The following SEMA6D variants were observed in gnomAD, a reference collection of about 807,000 sequenced individuals.
SEMA6D encodes the protein semaphorin-6D.
SEMA6D carries 35 observed loss-of-function variants against 106.6 expected under a neutral mutation model. The ratio of observed to expected loss-of-function variants is 0.33; its 90% CI spans 0.25 to 0.44. The LOEUF (loss-of-function observed/expected upper bound fraction) is 0.44, where lower values mean the gene tolerates loss of function less well. Ranked by LOEUF, SEMA6D falls within the 20% of genes least tolerant of loss-of-function variation. SEMA6D has a pLI of 1.00. For missense variants in SEMA6D, 1,185 were observed against 1,345.9 expected (o/e 0.88, Z 1.87); for synonymous variants, 499 against 487.7 (o/e 1.02, Z -0.31).
At chr15:47,548,499 C>T (rs911751026) in intron 3 of SEMA6D, among the ~76,000 whole-genome samples, 3 of 152,058 alleles carry the variant, frequency 2.0e-5, no homozygotes, top group Admixed American at 1.3e-4. Context: ...TGGAACAAGC[C>T]ATTGCTCTTC....
At chr15:47,483,053 A>G (rs7166640) in intron 3 of SEMA6D, among the ~76,000 whole-genome samples, 14,281 of 152,160 alleles carry the variant, frequency 0.094, 2,154 homozygotes, top group African/African-American at 0.32. Flanking sequence ...CAAATAATCA[A>G]TAGTTTATTA....
chr15:47,377,197 T>A (rs2039479308), intron 1 of SEMA6D, among the ~76,000 whole-genome samples: 1 of 152,210 alleles, frequency 6.6e-6, no homozygotes, highest in African/African-American at 2.4e-5. Context: ...ATAATCTAAT[T>A]TTTCCATTTA....
At chr15:47,246,748 A>G (rs755057302) in intron 1 of SEMA6D, among the ~76,000 whole-genome samples, 16 of 152,136 alleles carry the variant, frequency 1.1e-4, no homozygotes, top group South Asian at 4.1e-4. Context: ...CCCTAACTCA[A>G]TGTCCTTAAC....
intron 2 of SEMA6D, among the ~76,000 whole-genome samples, chr15:47,446,747 T>G (rs1305694405): frequency 6.6e-6 from 1 of 152,164 alleles, no homozygotes; most frequent in Non-Finnish European, 1.5e-5. Context: ...GCTGGTGTGC[T>G]GGAAATTAAA....
At chr15:47,194,960 A>G (rs1266821380) in intron 1 of SEMA6D, among the ~76,000 whole-genome samples, 2 of 152,234 alleles carry the variant, frequency 1.3e-5, no homozygotes, top group African/African-American at 2.4e-5. Flanking sequence ...ATAGGGATCA[A>G]CCGGTGTCAG....
chr15:47,401,291 A>C (rs1380314209), intron 1 of SEMA6D, among the ~76,000 whole-genome samples: 1 of 152,138 alleles, frequency 6.6e-6, no homozygotes, highest in Non-Finnish European at 1.5e-5. Flanking sequence ...AATGGTCCCA[A>C]CTTTTATTTT....
At chr15:47,476,053 A>G (rs1025451671) in intron 3 of SEMA6D, among the ~76,000 whole-genome samples, 1 of 152,202 alleles carries the variant, frequency 6.6e-6, no homozygotes, top group Non-Finnish European at 1.5e-5. Flanking sequence ...GACATTTATC[A>G]TGGATCCTGA....
chr15:47,315,820 T>C (rs2143344708), intron 1 of SEMA6D, among the ~76,000 whole-genome samples: 1 of 152,266 alleles, frequency 6.6e-6, no homozygotes, highest in Admixed American at 6.5e-5. Context: ...GTTAGATTTT[T>C]ACCTAGGTAT....
intron 1 of SEMA6D, among the ~76,000 whole-genome samples, chr15:47,213,285 A>G (rs1273155304): frequency 6.6e-6 from 1 of 152,224 alleles, no homozygotes; most frequent in African/African-American, 2.4e-5. Flanking sequence ...CTCTTAAACA[A>G]TAGGTTACAA....
intron 4 of SEMA6D, among the ~76,000 whole-genome samples, chr15:47,620,761 G>GT (rs201859943): frequency 0.011 from 1,605 of 151,228 alleles, 16 homozygotes; most frequent in South Asian, 0.042. Flanking sequence ...GTGAGTGTGG[G>GT]TTTTTTTTAA....
At chr15:47,244,333 A>G (rs2033087743) in intron 1 of SEMA6D, among the ~76,000 whole-genome samples, 1 of 152,168 alleles carries the variant, frequency 6.6e-6, no homozygotes, top group Non-Finnish European at 1.5e-5. Flanking sequence ...TCTCTGTTTC[A>G]TCATCTGCGA....
chr15:47,386,701 G>A (rs4485292), intron 1 of SEMA6D, among the ~76,000 whole-genome samples: 33,392 of 152,080 alleles, frequency 0.22, 3,942 homozygotes, highest in Middle Eastern at 0.33. Flanking sequence ...GGAACACCTG[G>A]TGCCAGGTTT....
rs571648425 is a variant in SEMA6D at position 47,674,414 on chromosome 15, C to G, written c.-55+73518C>G. Reference sequence around the variant, plus strand: ...CCATTTTAAACCCTTGTAATTCAACCTGACTAAAGCATGGTCTTTGAGAAA... The same window carrying G: ...CCATTTTAAACCCTTGTAATTCAACGTGACTAAAGCATGGTCTTTGAGAAA... On this transcript the variant is annotated intron_variant, in intron 4 of 19. Coordinates refer to the SEMA6D transcript ENST00000558014. 4.6e-5 allele frequency among the ~76,000 whole-genome samples: 7 copies of G among 152,314 alleles called. No homozygotes were observed. In the South Asian group the frequency reaches 1.4e-3, roughly 32 times the overall value.
intron 4 of SEMA6D, among the ~76,000 whole-genome samples, chr15:47,648,420 C>T (rs1046264182): frequency 6.6e-6 from 1 of 152,164 alleles, no homozygotes; most frequent in African/African-American, 2.4e-5. Context: ...ATCTTGCACC[C>T]TGACCTGCCA....
At chr15:47,730,515 C>T (rs1020340925) in intron 1 of SEMA6D, 25 of 1,282,898 alleles carry the variant, frequency 1.9e-5, no homozygotes, top group East Asian at 1.6e-4. Context: ...AAGGTGGTGA[C>T]GGTGTCAACT....
chr15:47,641,684 C>G (rs2077491400), intron 4 of SEMA6D, among the ~76,000 whole-genome samples: 1 of 152,130 alleles, frequency 6.6e-6, no homozygotes. Context: ...TTGCTTCTTC[C>G]TCCTCTACAG....
chr15:47,250,213 G>T (rs1426841546), intron 1 of SEMA6D, among the ~76,000 whole-genome samples: 4 of 152,048 alleles, frequency 2.6e-5, no homozygotes, highest in Admixed American at 2.6e-4. Flanking sequence ...CATCCACTAT[G>T]ATATATCTAT....
chr15:47,440,944 A>T (rs964089610), intron 2 of SEMA6D, among the ~76,000 whole-genome samples: 8 of 152,098 alleles, frequency 5.3e-5, no homozygotes, highest in African/African-American at 1.4e-4. Flanking sequence ...GAGACCAAAC[A>T]CTACAATCAG....
chr15:47,185,679 G>A (rs1021509677), intron 1 of SEMA6D: 2 of 152,122 alleles, frequency 1.3e-5, no homozygotes, highest in Non-Finnish European at 2.9e-5. Flanking sequence ...TAACATTCAT[G>A]GAGGCAGACA....
Sources: allele counts gnomAD v4.1 joint callset (sites outside exome capture counted in the v4.1 genomes callset), GRCh38; gene constraint gnomAD v4.1.1; transcripts MANE v1.5; gene names NCBI Gene and HGNC (gene_info 2026-07-23, HGNC 2026-07-21).